The following KCNH8 variants were observed in gnomAD, a reference collection of about 807,000 sequenced individuals.
KCNH8 encodes potassium voltage-gated channel subfamily H member 8, also known as voltage-gated delayed rectifier potassium channel KCNH8.
Under a neutral mutation model 103.6 loss-of-function variants are expected in KCNH8, and 70 were observed. The observed-to-expected ratio is 0.68, with a 90% CI of 0.56 to 0.82. KCNH8 has a LOEUF of 0.82. Among genes scored for constraint, KCNH8 ranks in the 40% least tolerant of loss-of-function variants. The probability of loss-of-function intolerance (pLI) is 0.00; values close to 1 mark genes in which losing one functional copy is unlikely to be tolerated. For missense variants in KCNH8, 1,217 were observed against 1,329.9 expected (o/e 0.92, Z 1.32); for synonymous variants, 498 against 489.4 (o/e 1.02, Z -0.23).
At chr3:19,398,030 A>G (rs181819272) in intron 7 of KCNH8, among the ~76,000 whole-genome samples, 53 of 152,086 alleles carry the variant, frequency 3.5e-4, no homozygotes, top group Non-Finnish European at 1.8e-4. Flanking sequence ...AAAATTTATC[A>G]TACAAATATT....
At chr3:19,231,997 C>T (rs1217631948) in intron 1 of KCNH8, among the ~76,000 whole-genome samples, 2 of 152,214 alleles carry the variant, frequency 1.3e-5, no homozygotes, top group African/African-American at 4.8e-5. Flanking sequence ...GCCTCTAGCT[C>T]AATTCAGAGG....
intron 1 of KCNH8, among the ~76,000 whole-genome samples, chr3:19,212,201 C>A (rs1444391655): frequency 6.6e-6 from 1 of 152,154 alleles, no homozygotes; most frequent in East Asian, 1.9e-4. Context: ...ATAATTATTA[C>A]ATCTTTCATC....
chr3:19,253,237 T>A lies in KCNH8; in HGVS notation c.77-417T>A, dbSNP rs147402157. The stretch of plus-strand genomic sequence containing the variant: ...AACTAATTATGCTCAAATCTTAGTC[T>A]CAGAATTTGCTTTTGGGGAAAGCAG... On this transcript the variant is annotated intron_variant, in intron 1 of 15. Transcript: ENST00000328405. 2.0e-5 allele frequency among the ~76,000 whole-genome samples: 3 copies of A among 152,276 alleles called. No homozygotes were observed. The East Asian group carries it at 5.8e-4, about 29-fold the overall frequency.
rs111766996 is a variant in KCNH8 at position 19,150,692 on chromosome 3, T to G, written c.76+1897T>G. 3.1e-3 allele frequency among the ~76,000 whole-genome samples: 477 copies of G among 152,308 alleles called. 2 individuals are homozygous for G. The highest frequency in any genetic ancestry group is 0.014 in the South Asian group (67 of 4,824). ...GTTCTTTTTCTATGTTGGCTACACATTAATGTTAATAAGATAGGTTAGATA... is the reference window on the plus strand; with the variant it reads ...GTTCTTTTTCTATGTTGGCTACACAGTAATGTTAATAAGATAGGTTAGATA... On this transcript the variant is annotated intron_variant, in intron 1 of 15. Transcript: ENST00000328405.
intron 5 of KCNH8, among the ~76,000 whole-genome samples, chr3:19,349,842 G>A (rs762863922): frequency 2.0e-5 from 3 of 151,902 alleles, no homozygotes; most frequent in Non-Finnish European, 4.4e-5. Flanking sequence ...CTGTCATTTC[G>A]ACTGTGCTTC....
At chr3:19,429,357 G>A (rs1375699569) in intron 7 of KCNH8, among the ~76,000 whole-genome samples, 2 of 151,862 alleles carry the variant, frequency 1.3e-5, no homozygotes, top group East Asian at 3.9e-4. Context: ...TGTATTTTTA[G>A]TAGAGACAGG....
chr3:19,152,372 C>G (rs2063139237), intron 1 of KCNH8, among the ~76,000 whole-genome samples: 1 of 152,052 alleles, frequency 6.6e-6, no homozygotes, highest in African/African-American at 2.4e-5. Context: ...AAAAAAGATA[C>G]AAAGCTTTCA....
At position 19,353,330 on chromosome 3, in the gene KCNH8, C is replaced by G. The variant is rs554558026; in HGVS notation, c.811+5365C>G. Among the ~76,000 whole-genome samples, 11 of 152,334 alleles carry G rather than the reference C, an allele frequency of 7.2e-5. No individual in the cohort carries two copies. The East Asian group carries it at 2.1e-3, about 29-fold the overall frequency. ...CAAAGAGGAGCTGGTACCATTCCTTCTGAAACTATTCAAATCAACAGCAAA... is the reference window on the plus strand; with the variant it reads ...CAAAGAGGAGCTGGTACCATTCCTTGTGAAACTATTCAAATCAACAGCAAA... On this transcript the variant is annotated intron_variant, in intron 5 of 15. Coordinates refer to ENST00000328405, the MANE Select transcript of KCNH8 (RefSeq NM_144633.3).
Position 19,339,595 on chromosome 3 carries a change from A to T in KCNH8, c.443-2992A>T, listed in dbSNP as rs369461534. Among the ~76,000 whole-genome samples, 13 of 152,250 alleles carry T rather than the reference A, an allele frequency of 8.5e-5. 1 individual carries two copies. Among genetic ancestry groups the T allele is most frequent in the Admixed American group, 4.6e-4 (7 of 15,266 alleles). On this transcript the variant is annotated intron_variant, in intron 3 of 15. Coordinates refer to ENST00000328405, the MANE Select transcript of KCNH8 (RefSeq NM_144633.3). ...TTTGTTCAGCCACAAGTTTTTAAAA[A>T]GTGTCCTTTTTGATATTATTCTGAG...
chr3:19,322,099 C>T (rs929711019), intron 3 of KCNH8, among the ~76,000 whole-genome samples: 2 of 152,052 alleles, frequency 1.3e-5, no homozygotes, highest in African/African-American at 4.8e-5. Context: ...AGGTGAGTCT[C>T]TTGAAGACAG....
intron 10 of KCNH8, among the ~76,000 whole-genome samples, chr3:19,452,000 T>G (rs2067455349): frequency 1.3e-5 from 2 of 152,184 alleles, no homozygotes. Context: ...ATAATTGGTC[T>G]TCATTGAAAT....
At chr3:19,447,339 G>A (rs1176182521) in intron 8 of KCNH8, among the ~76,000 whole-genome samples, 2 of 151,966 alleles carry the variant, frequency 1.3e-5, no homozygotes, top group African/African-American at 4.8e-5. Context: ...CTCAGACATA[G>A]ACTAGTACTT....
chr3:19,469,546 T>A (rs2067812357), intron 11 of KCNH8, among the ~76,000 whole-genome samples: 1 of 152,084 alleles, frequency 6.6e-6, no homozygotes, highest in South Asian at 2.1e-4. Context: ...TTCAAGTGAT[T>A]CTCCTGCCTC....
chr3:19,531,858 C>T (rs2069167305), intron 15 of KCNH8, among the ~76,000 whole-genome samples: 1 of 152,116 alleles, frequency 6.6e-6, no homozygotes, highest in South Asian at 2.1e-4. Flanking sequence ...TTATATTTAG[C>T]CCATAGGTTC....
chr3:19,377,558 A>G (rs1252492083), intron 5 of KCNH8, among the ~76,000 whole-genome samples: 2 of 152,246 alleles, frequency 1.3e-5, no homozygotes, highest in Admixed American at 6.5e-5. Flanking sequence ...TAAATCTGGC[A>G]AGTATACAGA....
intron 1 of KCNH8, among the ~76,000 whole-genome samples, chr3:19,237,538 A>G (rs914377767): frequency 2.6e-5 from 4 of 152,256 alleles, no homozygotes; most frequent in African/African-American, 7.2e-5. Flanking sequence ...CAGTGGGCAC[A>G]TGCATTGAAT....
intron 1 of KCNH8, among the ~76,000 whole-genome samples, chr3:19,151,526 T>A (rs953184339): frequency 1.4e-4 from 22 of 152,132 alleles, no homozygotes; most frequent in African/African-American, 5.1e-4. Context: ...GCAGTATTAT[T>A]ATTAGCCTTA....
chr3:19,479,884 G>A (rs1385502657), intron 11 of KCNH8, among the ~76,000 whole-genome samples: 1 of 152,116 alleles, frequency 6.6e-6, no homozygotes, highest in Non-Finnish European at 1.5e-5. Flanking sequence ...CTCTGAATGG[G>A]AACACATGTT....
intron 11 of KCNH8, among the ~76,000 whole-genome samples, chr3:19,458,571 T>C (rs1412362159): frequency 1.3e-5 from 2 of 151,956 alleles, no homozygotes; most frequent in African/African-American, 4.8e-5. Flanking sequence ...AATGTATGCA[T>C]TTCCTCACGT....
Sources: gnomAD v4.1 joint callset for allele counts (sites outside exome capture counted in the v4.1 genomes callset) on GRCh38, gnomAD v4.1.1 for gene constraint, MANE v1.5 for transcripts, NCBI Gene and HGNC (gene_info 2026-07-23, HGNC 2026-07-21) for gene names.